Variants in TBCA observed in about 807,000 individuals in gnomAD.
TBCA encodes tubulin-specific chaperone A.
A neutral mutation model predicts 15.8 loss-of-function variants in TBCA; 6 were observed. That is an observed-to-expected ratio of 0.38 (90% CI 0.21 to 0.75). The LOEUF is 0.75. TBCA is among the 30% of genes least tolerant of loss of function. TBCA has a pLI of 0.46. For missense variants in TBCA, 90 were observed against 131.2 expected, an observed-to-expected ratio of 0.69 and a Z score of 1.53; for synonymous variants, 32 against 42.3, an observed-to-expected ratio of 0.76 and a Z score of 0.94.
intron 1 of TBCA, among the ~76,000 whole-genome samples, chr5:77,726,523 T>C (rs1370775055): frequency 6.6e-6 from 1 of 152,176 alleles, no homozygotes; most frequent in East Asian, 1.9e-4. Context: ...CACCCCAAAC[T>C]GAAAACCTCT....
chr5:77,736,383 C>T (rs913728213), intron 1 of TBCA, among the ~76,000 whole-genome samples: 2 of 150,882 alleles, frequency 1.3e-5, no homozygotes, highest in Admixed American at 6.6e-5. Context: ...CATGAAACGA[C>T]TAGGAAACAA....
intron 2 of TBCA, chr5:77,705,732 G>A: frequency 2.5e-6 from 1 of 394,804 alleles, no homozygotes; most frequent in Non-Finnish European, 4.5e-6. Flanking sequence ...GGAGGCTGAG[G>A]TGGGAGGATC....
chr5:77,742,259 G>A (rs373418468), intron 1 of TBCA, among the ~76,000 whole-genome samples: 153 of 152,068 alleles, frequency 1.0e-3, no homozygotes, highest in African/African-American at 3.4e-3. Context: ...TCACGTGGAC[G>A]CTCAAAAAGG....
chr5:77,715,084 T>C, intron 1 of TBCA: 1 of 586,282 alleles, frequency 1.7e-6, no homozygotes, highest in Admixed American at 2.9e-5. Context: ...TAAAATAGGA[T>C]TGTCTCTTTG....
intron 2 of TBCA, among the ~76,000 whole-genome samples, chr5:77,701,651 A>G (rs535044241): frequency 2.1e-5 from 3 of 143,324 alleles, no homozygotes; most frequent in Non-Finnish European, 4.5e-5. Flanking sequence ...CCGAATGTCC[A>G]TCAATCAACA....
intron 2 of TBCA, among the ~76,000 whole-genome samples, chr5:77,701,774 C>T (rs1746025103): frequency 7.1e-6 from 1 of 140,656 alleles, no homozygotes. Context: ...ATGGCATTTG[C>T]AGCAACTTGG....
intron 1 of TBCA, among the ~76,000 whole-genome samples, chr5:77,749,419 T>C (rs1241278960): frequency 6.6e-6 from 1 of 152,276 alleles, no homozygotes; most frequent in African/African-American, 2.4e-5. Context: ...ATTTTAACTT[T>C]GTATAACAGA....
intron 1 of TBCA, among the ~76,000 whole-genome samples, chr5:77,755,221 T>C (rs1337644207): frequency 6.6e-6 from 1 of 152,200 alleles, no homozygotes; most frequent in Non-Finnish European, 1.5e-5. Flanking sequence ...TTAGGAATTT[T>C]ATAGTTACAG....
chr5:77,704,962 G>A (rs1381550375), intron 2 of TBCA, among the ~76,000 whole-genome samples: 2 of 152,158 alleles, frequency 1.3e-5, no homozygotes, highest in African/African-American at 4.8e-5. Flanking sequence ...ATGTCTGAGG[G>A]TAGAAACAAC....
At chr5:77,709,912 T>C (rs1746236823) in intron 1 of TBCA, among the ~76,000 whole-genome samples, 1 of 152,186 alleles carries the variant, frequency 6.6e-6, no homozygotes, top group Non-Finnish European at 1.5e-5. Flanking sequence ...CATAAAAGGC[T>C]ACATATTGTA....
At chr5:77,738,678 G>A (rs185210912) in intron 1 of TBCA, among the ~76,000 whole-genome samples, 4 of 152,322 alleles carry the variant, frequency 2.6e-5, no homozygotes, top group Non-Finnish European at 5.9e-5. Context: ...CGCCTCTGGA[G>A]TTCAAGAAAT....
chr5:77,754,394 G>A (rs1204905177), intron 1 of TBCA, among the ~76,000 whole-genome samples: 2 of 152,056 alleles, frequency 1.3e-5, no homozygotes, highest in Non-Finnish European at 2.9e-5. Context: ...TTTTTAGAAT[G>A]TTTTCCTACA....
intron 1 of TBCA, among the ~76,000 whole-genome samples, chr5:77,761,567 C>T (rs934367466): frequency 6.6e-6 from 1 of 152,012 alleles, no homozygotes; most frequent in East Asian, 1.9e-4. Context: ...TGCTGACCTT[C>T]TCTCCACTAT....
chr5:77,741,113 T>C (rs986083182), intron 1 of TBCA, among the ~76,000 whole-genome samples: 1 of 152,132 alleles, frequency 6.6e-6, no homozygotes, highest in Non-Finnish European at 1.5e-5. Context: ...AAATTATGGG[T>C]GATCTTTTTT....
chr5:77,701,696 TATATATATATATATATATATATATATATA>T (rs1463617317), intron 2 of TBCA, among the ~76,000 whole-genome samples: 3 of 126,616 alleles, frequency 2.4e-5, no homozygotes, highest in Non-Finnish European at 5.1e-5. Flanking sequence ...TATATATATA[TATATATATATATATATATATATATATATA>T]TGATGGAATA....
intron 1 of TBCA, among the ~76,000 whole-genome samples, chr5:77,736,817 A>G (rs979653056): frequency 1.3e-5 from 2 of 152,228 alleles, no homozygotes; most frequent in Non-Finnish European, 2.9e-5. Context: ...TTGTATCTTG[A>G]TAACACAGAG....
intron 1 of TBCA, among the ~76,000 whole-genome samples, chr5:77,709,373 A>G (rs894322868): frequency 2.6e-5 from 4 of 152,248 alleles, no homozygotes; most frequent in African/African-American, 9.6e-5. Flanking sequence ...TATATTAATC[A>G]TAATAGCTCA....
chr5:77,700,596 T>C (rs919670714), intron 2 of TBCA, among the ~76,000 whole-genome samples: 5 of 152,168 alleles, frequency 3.3e-5, no homozygotes, highest in Non-Finnish European at 5.9e-5. Context: ...TGTAGAGAAA[T>C]TGAATCATTG....
chr5:77,740,909 T>C (rs1436486766), intron 1 of TBCA, among the ~76,000 whole-genome samples: 4 of 152,200 alleles, frequency 2.6e-5, no homozygotes, highest in African/African-American at 9.7e-5. Context: ...TGACATATAT[T>C]GATGGCTCAA....
Sources: allele counts gnomAD v4.1 joint callset (sites outside exome capture counted in the v4.1 genomes callset), GRCh38; gene constraint gnomAD v4.1.1; transcripts MANE v1.5; gene names NCBI Gene and HGNC (gene_info 2026-07-23, HGNC 2026-07-21).